Variants in WRN observed in about 807,000 individuals in gnomAD.
WRN encodes bifunctional 3'-5' exonuclease/ATP-dependent helicase WRN.
WRN carries 149 observed loss-of-function variants against 180.7 expected under a neutral mutation model. The observed-to-expected ratio is 0.82, with a 90% CI of 0.72 to 0.94. The LOEUF (loss-of-function observed/expected upper bound fraction) is 0.94, where lower values mean the gene tolerates loss of function less well. Among genes scored for constraint, WRN ranks in the 40% least tolerant of loss-of-function variants. The pLI is 0.00. For synonymous variants in WRN, 548 were observed against 568.9 expected (o/e 0.96, Z 0.52); for missense variants, 1,661 against 1,700.1 (o/e 0.98, Z 0.40).
At chr8:31,114,914 G>C (rs933710481) in intron 19 of WRN, among the ~76,000 whole-genome samples, 1 of 59,132 alleles carries the variant, frequency 1.7e-5, no homozygotes, top group Non-Finnish European at 3.4e-5. Context: ...TTTTTTTTTT[G>C]ACATGGAGTC....
At chr8:31,136,721 C>A (rs551691026) in intron 24 of WRN, among the ~76,000 whole-genome samples, 433 of 152,106 alleles carry the variant, frequency 2.8e-3, no homozygotes, top group Non-Finnish European at 5.0e-3. Flanking sequence ...TGCGTGTAGT[C>A]CTCCTTGTGG....
At chr8:31,064,458 T>C in intron 4 of WRN, 24 bp downstream of exon 4, 1 of 1,613,894 alleles carries the variant, frequency 6.2e-7, no homozygotes, top group Non-Finnish European at 8.5e-7. Flanking sequence ...CATTTCATTT[T>C]TATATGGCTG....
intron 16 of WRN, among the ~76,000 whole-genome samples, chr8:31,094,726 A>G (rs569372955): frequency 1.3e-5 from 2 of 152,176 alleles, no homozygotes; most frequent in South Asian, 4.2e-4. Flanking sequence ...TGTTTCTATA[A>G]ATTAACTTAT....
chr8:31,127,157 A>G (rs890046704), intron 23 of WRN, among the ~76,000 whole-genome samples: 6 of 152,226 alleles, frequency 3.9e-5, no homozygotes, highest in African/African-American at 1.4e-4. Flanking sequence ...AGAAGACAAA[A>G]TAATACCAAT....
chr8:31,119,130 T>A (rs184092664), intron 20 of WRN, among the ~76,000 whole-genome samples: 26 of 152,050 alleles, frequency 1.7e-4, no homozygotes, highest in Middle Eastern at 3.4e-3. Flanking sequence ...ACCTTTCTCA[T>A]ACTTTCTTTT....
intron 24 of WRN, among the ~76,000 whole-genome samples, chr8:31,135,770 G>A (rs1802373933): frequency 6.6e-6 from 1 of 151,660 alleles, no homozygotes. Flanking sequence ...TTTTAAAGAA[G>A]TTAATATGGA....
intron 1 of WRN, among the ~76,000 whole-genome samples, chr8:31,034,503 G>A (rs1811369966): frequency 6.6e-6 from 1 of 152,152 alleles, no homozygotes; most frequent in South Asian, 2.1e-4. Flanking sequence ...TAATACAGGA[G>A]TCTGTAAGTC....
In WRN at chr8:31,090,872, T is replaced by C; in HGVS notation, c.1759T>C (p.Tyr587His). 1 of 1,612,938 alleles carries C rather than the reference T, an allele frequency of 6.2e-7. No homozygotes were observed. Among genetic ancestry groups the C allele is most frequent in the Non-Finnish European group, 8.5e-7 (1 of 1,179,220 alleles). ...TTTGTGCTTCCAGTATCCACCTGTTTATGTAGGCAAGATTGGCCTTGTTAT... is the reference window on the plus strand; with the variant it reads ...TTTGTGCTTCCAGTATCCACCTGTTCATGTAGGCAAGATTGGCCTTGTTAT... The part of the protein sequence containing the change: ...KSLCFQYPPV[Y>H]VGKIGLVISP... The change falls in exon 15 of 35, where the codon TAT (tyrosine) becomes CAT (histidine). Residue 587 changes from tyrosine (Y) to histidine (H), a missense_variant. Around this residue, in one of 3 missense-constraint regions of WRN, gnomAD observed 1,141 missense variants for 1,149.4 expected, o/e 0.99. Transcript: ENST00000298139.
At chr8:31,131,160 C>CTTTTTT (rs71206302) in intron 23 of WRN, among the ~76,000 whole-genome samples, 1 of 106,840 alleles carries the variant, frequency 9.4e-6, no homozygotes, top group South Asian at 3.1e-4. Flanking sequence ...TTGCAACTTT[C>CTTTTTT]TTTTTTTTTG....
intron 5 of WRN, 48 bp from the exon 6 acceptor site, chr8:31,066,985 C>T (rs1259191526): frequency 6.2e-7 from 1 of 1,607,472 alleles, no homozygotes; most frequent in Non-Finnish European, 8.5e-7. Context: ...TTGGTAATAC[C>T]TGAAAACAGG....
intron 26 of WRN, 22 bp from the exon 27 acceptor site, chr8:31,142,604 A>G (rs763508764): frequency 1.3e-6 from 2 of 1,547,418 alleles, no homozygotes; most frequent in African/African-American, 1.4e-5. Flanking sequence ...ATTTGAAATA[A>G]TTTAATTTTA....
At chr8:31,094,389 G>A (rs1480206249) in intron 16 of WRN, among the ~76,000 whole-genome samples, 33 of 146,824 alleles carry the variant, frequency 2.2e-4, no homozygotes, top group Non-Finnish European at 4.3e-4. Context: ...TCTGTCTCCC[G>A]GGCTGGAGTG....
chr8:31,132,498 C>T lies in WRN; in HGVS notation c.2959C>T (p.Arg987Ter), dbSNP rs747319628. The change falls in exon 24 of 35, where the codon CGA becomes TGA. Residue 987 changes from arginine to a stop codon, truncating the protein, a stop_gained. Transcript: ENST00000298139. LOFTEE classifies it high-confidence loss of function. ...FGIGLPILFL[R>*]GSNSQRLADQ... Reference sequence around the variant, plus strand: ...AATTGGGCTTCCAATTTTATTTCTCCGAGGATCTGTAAGTATATATCTGTG... The same window carrying T: ...AATTGGGCTTCCAATTTTATTTCTCTGAGGATCTGTAAGTATATATCTGTG... 20 of 1,613,902 alleles carry T rather than the reference C, an allele frequency of 1.2e-5. No individual in the cohort carries two copies. Among genetic ancestry groups the T allele is most frequent in the African/African-American group, 5.3e-5 (4 of 74,892 alleles).
rs746082406 is a variant in WRN at position 31,150,384 on chromosome 8, G to C, written c.3616G>C (p.Glu1206Gln). 2 of 1,613,992 alleles carry C rather than the reference G, an allele frequency of 1.2e-6. No individual in the cohort carries two copies. The highest frequency in any genetic ancestry group is 2.7e-5 in the African/African-American group (2 of 74,918). The change falls in exon 31 of 35, where the codon GAA (glutamate) becomes CAA (glutamine). Residue 1206 changes from glutamate (E) to glutamine (Q), a missense_variant. Coordinates refer to ENST00000298139, the MANE Select transcript of WRN (RefSeq NM_000553.6). ...ENVKRIDGVS[E>Q]GKAAMLAPLL... ...CGTAAAAAGGATTGATGGTGTTTCT[G>C]AAGGCAAAGCTGCCATGTTGGCCCC...
Position 31,111,795 on chromosome 8 carries a change from A to G in WRN, c.2269A>G (p.Thr757Ala). ...LQDLQPFLVK[T>A]SSHWEFEGPT... is the part of the protein sequence containing the mutation. ...GGATCTGCAGCCATTTCTTGTCAAAACAAGGTAAGGATTTAATGGTTGATG... is the reference window on the plus strand; with the variant it reads ...GGATCTGCAGCCATTTCTTGTCAAAGCAAGGTAAGGATTTAATGGTTGATG... Residue 757 changes from threonine (T) to alanine (A), a missense_variant, in exon 19 of 35, where the codon ACA becomes GCA. Physicochemically the swap from Thr to Ala is moderately conservative, Grantham distance 58. Around this residue, in one of 3 missense-constraint regions of WRN, gnomAD observed 1,141 missense variants for 1,149.4 expected, o/e 0.99. Coordinates refer to ENST00000298139, the MANE Select transcript of WRN (RefSeq NM_000553.6). The G allele has an allele frequency of 6.2e-7, 1 of 1,613,940 alleles. No individual in the cohort carries two copies. The highest frequency in any genetic ancestry group is 8.5e-7 in the Non-Finnish European group (1 of 1,179,944).
intron 5 of WRN, 142 bp from the exon 6 acceptor site, chr8:31,066,890 AG>A: frequency 1.1e-6 from 1 of 928,482 alleles, no homozygotes; most frequent in Non-Finnish European, 1.7e-6. Context: ...TTTTAGTGAC[AG>A]GGAATTTGTT....
In WRN at chr8:31,173,261, C is replaced by T. The variant is rs1804170073; in HGVS notation, c.*159C>T. 3 of 727,034 alleles carry T rather than the reference C, an allele frequency of 4.1e-6. No individual in the cohort carries two copies. Among genetic ancestry groups the T allele is most frequent in the Non-Finnish European group, 7.0e-6 (3 of 428,752 alleles). 45.0% of individuals were successfully genotyped at this position (727,034 alleles called of 1,614,324 possible). ...ACTGGCATCTTAAATCAGCCTTCCG[C>T]AATTCATGTAGTTTCTGGGTCTTCT... On this transcript the variant is annotated 3_prime_UTR_variant, in exon 35 of 35. Coordinates refer to ENST00000298139, the MANE Select transcript of WRN (RefSeq NM_000553.6).
chr8:31,143,495 C>A (rs1473127247), intron 27 of WRN, 55 bp from the exon 28 acceptor site: 5 of 1,219,318 alleles, frequency 4.1e-6, no homozygotes, highest in Non-Finnish European at 5.9e-6. Context: ...ATTTTCTTCA[C>A]ATTTAAAAGT....
At position 31,173,137 on chromosome 8, in the gene WRN, G is replaced by A; in HGVS notation, c.*35G>A. On this transcript the variant is annotated 3_prime_UTR_variant, in exon 35 of 35. Coordinates refer to ENST00000298139, the MANE Select transcript of WRN (RefSeq NM_000553.6). Reference sequence around the variant, plus strand: ...TACCAGAACAATTATGTTTCTTGCTGTATTATAAGAGGATAGCTATATTTT... The same window carrying A: ...TACCAGAACAATTATGTTTCTTGCTATATTATAAGAGGATAGCTATATTTT... 1.3e-6 allele frequency: 2 copies of A among 1,572,880 alleles called. No individual in the cohort carries two copies. The highest frequency in any genetic ancestry group is 2.2e-5 in the East Asian group (1 of 44,466).
Sources: allele counts gnomAD v4.1 joint callset (sites outside exome capture counted in the v4.1 genomes callset), GRCh38; gene constraint gnomAD v4.1.1; regional missense constraint gnomAD v4.1.1; transcripts MANE v1.5; gene names NCBI Gene and HGNC (gene_info 2026-07-23, HGNC 2026-07-21).